The following DNAH8 variants were observed in gnomAD, a reference collection of about 807,000 sequenced individuals.
DNAH8 encodes axonemal beta dynein heavy chain 8.
In DNAH8, 382 loss-of-function variants were observed where a neutral mutation model predicts 562.1. That is an observed-to-expected ratio of 0.68 (90% confidence interval 0.63 to 0.74). DNAH8 has a LOEUF of 0.74. Among genes scored for constraint, DNAH8 ranks in the 30% least tolerant of loss-of-function variants. DNAH8 has a pLI of 0.00. For missense variants in DNAH8, 5,203 were observed against 5,620.4 expected (o/e 0.93, Z 2.37); for synonymous variants, 1,881 against 1,919.4 (o/e 0.98, Z 0.52).
At chr6:38,922,529 A>C (rs1163588327) in intron 71 of DNAH8, among the ~76,000 whole-genome samples, 2 of 152,230 alleles carry the variant, frequency 1.3e-5, no homozygotes, top group Admixed American at 1.3e-4. Context: ...TTTTAATATA[A>C]TTTTTTAATT....
At chr6:38,786,998 G>A in intron 18 of DNAH8, 46 bp downstream of exon 18, 2 of 1,347,616 alleles carry the variant, frequency 1.5e-6, no homozygotes, top group Non-Finnish European at 2.0e-6. Flanking sequence ...GAGTTTTTTG[G>A]TAAAAAAAAT....
At chr6:38,911,852 G>A (rs1038819612) in intron 66 of DNAH8, among the ~76,000 whole-genome samples, 3 of 152,188 alleles carry the variant, frequency 2.0e-5, no homozygotes, top group African/African-American at 7.2e-5. Flanking sequence ...GAGTCACTGA[G>A]CCATTGCTGG....
chr6:39,001,197 C>G (rs964798451), intron 88 of DNAH8, among the ~76,000 whole-genome samples: 2 of 151,990 alleles, frequency 1.3e-5, no homozygotes, highest in African/African-American at 4.8e-5. Context: ...GTTATTTAAT[C>G]ATTTATTTAA....
chr6:38,853,282 G>T lies in DNAH8; in HGVS notation c.5668G>T (p.Ala1890Ser), dbSNP rs375461103. 6.2e-7 allele frequency: 1 copy of T among 1,612,900 alleles called. No homozygotes were observed. Among genetic ancestry groups the T allele is most frequent in the Non-Finnish European group, 8.5e-7 (1 of 1,179,486 alleles). Residue 1890 changes from alanine (A) to serine (S), a missense_variant, in exon 41 of 93, where the codon GCT becomes TCT. Around this residue, in one of 6 missense-constraint regions of DNAH8, gnomAD observed 2,176 missense variants for 2,365.1 expected, o/e 0.92. Coordinates refer to ENST00000327475, the MANE Select transcript of DNAH8 (RefSeq NM_001206927.2). ...ATCATTACATAATATAATTAGATCC[G>T]CTTTCTATCAAATCAGTGATTCAGG... ...MSSLHNIIRS[A>S]FYQISDSGFQ...
intron 36 of DNAH8, among the ~76,000 whole-genome samples, chr6:38,846,331 A>G (rs1373488744): frequency 6.6e-6 from 1 of 152,156 alleles, no homozygotes; most frequent in Non-Finnish European, 1.5e-5. Context: ...GGTGCCTATG[A>G]TCTTGAGTGC....
chr6:38,730,791 A>G (rs1200610699), intron 4 of DNAH8, among the ~76,000 whole-genome samples: 1 of 152,160 alleles, frequency 6.6e-6, no homozygotes, highest in African/African-American at 2.4e-5. Context: ...TCCAGATGTG[A>G]ATTTGCTGCT....
intron 88 of DNAH8, among the ~76,000 whole-genome samples, chr6:39,007,414 GGAAATATGAAT>G (rs1387588678): frequency 1.6e-4 from 24 of 152,148 alleles, no homozygotes; most frequent in Non-Finnish European, 3.2e-4. Flanking sequence ...ATCTACAAAA[GGAAATATGAAT>G]GTGGTTAACA....
chr6:38,741,411 A>G (rs909357421), intron 7 of DNAH8, among the ~76,000 whole-genome samples: 3 of 151,936 alleles, frequency 2.0e-5, no homozygotes, highest in African/African-American at 7.3e-5. Context: ...TCAAAACAAC[A>G]AACATACAAA....
At chr6:38,909,796 C>A in intron 65 of DNAH8, 52 bp downstream of exon 65, 3 of 1,368,904 alleles carry the variant, frequency 2.2e-6, no homozygotes, top group South Asian at 1.2e-5. Context: ...CATGTATTCC[C>A]AAGAGGAATG....
intron 3 of DNAH8, among the ~76,000 whole-genome samples, chr6:38,724,783 A>G (rs951069887): frequency 2.0e-5 from 3 of 152,130 alleles, no homozygotes; most frequent in African/African-American, 7.2e-5. Flanking sequence ...TCTGAACCCT[A>G]GGAGTGGACT....
intron 82 of DNAH8, among the ~76,000 whole-genome samples, chr6:38,967,148 C>T (rs1371691934): frequency 6.6e-6 from 1 of 152,088 alleles, no homozygotes; most frequent in African/African-American, 2.4e-5. Context: ...TGATAAAAGG[C>T]ACCTACAAAA....
intron 8 of DNAH8, among the ~76,000 whole-genome samples, chr6:38,748,160 A>G (rs1765116624): frequency 6.6e-6 from 1 of 152,202 alleles, no homozygotes; most frequent in Non-Finnish European, 1.5e-5. Flanking sequence ...TCCTAGGAGA[A>G]AATTTATGAA....
intron 8 of DNAH8, among the ~76,000 whole-genome samples, chr6:38,749,225 A>G (rs746562879): frequency 1.3e-5 from 2 of 152,170 alleles, no homozygotes; most frequent in Non-Finnish European, 2.9e-5. Flanking sequence ...CTTTACAGGG[A>G]CACGGATGAA....
intron 62 of DNAH8, among the ~76,000 whole-genome samples, chr6:38,904,571 A>T (rs1466974220): frequency 6.6e-6 from 1 of 152,092 alleles, no homozygotes; most frequent in Non-Finnish European, 1.5e-5. Flanking sequence ...TGGGCGGATC[A>T]CCTGAGGTGA....
At chr6:38,887,527 G>A (rs936037710) in intron 57 of DNAH8, among the ~76,000 whole-genome samples, 1 of 152,134 alleles carries the variant, frequency 6.6e-6, no homozygotes, top group Non-Finnish European at 1.5e-5. Context: ...GGCTCATAGA[G>A]AGACCCCATT....
Position 38,894,838 on chromosome 6 carries a change from C to T in DNAH8, c.8721C>T (p.His2907=), listed in dbSNP as rs564511128. Residue 2907 remains histidine (H), a synonymous_variant, in exon 59 of 93, where the codon CAC becomes CAT. Coordinates refer to ENST00000327475, the MANE Select transcript of DNAH8 (RefSeq NM_001206927.2). ...CTACTCTCCTGTCCCTTTTCAAACA[C>T]GAGTGCAGCAGAGTAATTGCAGACA... The part of the protein sequence containing the change: ...SIPTLLSLFK[H]ECSRVIADRF... 3.3e-5 allele frequency: 53 copies of T among 1,613,910 alleles called. No individual in the cohort carries two copies. Among genetic ancestry groups the T allele is most frequent in the East Asian group, 6.7e-5 (3 of 44,822 alleles).
chr6:38,934,026 G>C (rs751430487), intron 76 of DNAH8, among the ~76,000 whole-genome samples: 4 of 152,170 alleles, frequency 2.6e-5, no homozygotes, highest in Non-Finnish European at 5.9e-5. Flanking sequence ...ACCGTAGTTG[G>C]AGGGAAATAA....
At chr6:38,862,644 A>G (rs1380773895) in intron 44 of DNAH8, among the ~76,000 whole-genome samples, 186 bp downstream of exon 44, 2 of 152,198 alleles carry the variant, frequency 1.3e-5, no homozygotes, top group African/African-American at 4.8e-5. Flanking sequence ...ATATGGTTCA[A>G]TACTATTGCT....
Position 38,790,598 on chromosome 6 carries a change from A to G in DNAH8, c.2781+193A>G, listed in dbSNP as rs13209006. On this transcript the variant is annotated intron_variant, in intron 20 of 92. Transcript: ENST00000327475. ...CCAGCACTTTGGGAGGCCAAGGCGG[A>G]TGGATCACGAGGTCAGGAGTTTGAG... Among the ~76,000 whole-genome samples the G allele has an allele frequency of 0.33, 50,375 of 151,602 alleles. 8,666 individuals are homozygous for G. The highest frequency in any genetic ancestry group is 0.41 in the South Asian group (1,953 of 4,812).
Sources: allele counts gnomAD v4.1 joint callset (sites outside exome capture counted in the v4.1 genomes callset), GRCh38; gene constraint gnomAD v4.1.1; regional missense constraint gnomAD v4.1.1; transcripts MANE v1.5; gene names NCBI Gene and HGNC (gene_info 2026-07-23, HGNC 2026-07-21).